IL33: variants seen among roughly 807,000 people sequenced by gnomAD.
IL33 encodes the protein interleukin-33.
In IL33, 37 loss-of-function variants were observed where a neutral mutation model predicts 27.3. The ratio of observed to expected loss-of-function variants is 1.36; its 90% confidence interval spans 1.04 to 1.78. IL33 has a LOEUF of 1.78. Among genes scored for constraint, IL33 ranks in the 40% most tolerant of loss-of-function variants. The pLI, the probability that IL33 is intolerant of heterozygous loss-of-function variation, is 0.00. For missense variants in IL33, 406 were observed against 311.4 expected (o/e 1.30, Z -2.29); for synonymous variants, 132 against 102.9 (o/e 1.28, Z -1.71).
chr9:6,245,995 A>G (rs1390525836), intron 2 of IL33, among the ~76,000 whole-genome samples: 1 of 127,870 alleles, frequency 7.8e-6, no homozygotes, highest in African/African-American at 2.9e-5. Context: ...CTCGGGAGGC[A>G]GAGCTTGCAG....
In IL33 at chr9:6,257,814, TA is replaced by T. The variant is rs1816825528; in HGVS notation, c.*1648del. 1 of 152,168 alleles carries T rather than the reference TA, an allele frequency of 6.6e-6. No individual in the cohort carries two copies. Among genetic ancestry groups the T allele is most frequent in the Non-Finnish European group, 1.5e-5 (1 of 68,010 alleles). 9.4% of individuals were successfully genotyped at this position (152,168 alleles called of 1,614,324 possible). A position where few individuals can be genotyped will look rare whatever the true frequency, so the allele number is the denominator to read the frequency against. The stretch of plus-strand genomic sequence containing the variant: ...TATCTTTGTTTCATTGTTCTGTCAA[TA>T]ATTGTTACCAAAGAGATAAAAATAA... On this transcript the variant is annotated 3_prime_UTR_variant, in exon 8 of 8. Transcript: ENST00000682010.
At chr9:6,237,297 G>T (rs1041987947) in intron 1 of IL33, among the ~76,000 whole-genome samples, 1 of 152,172 alleles carries the variant, frequency 6.6e-6, no homozygotes, top group African/African-American at 2.4e-5. Context: ...GAAAAAAATG[G>T]TGAAAAGAGT....
At chr9:6,253,683 C>T (rs1270281485) in intron 6 of IL33, 81 bp downstream of exon 6, 9 of 1,115,126 alleles carry the variant, frequency 8.1e-6, no homozygotes, top group Non-Finnish European at 1.2e-5. Context: ...TCCTTTTTGC[C>T]CCATAGGAAA....
At chr9:6,233,334 A>T (rs985637732) in intron 1 of IL33, among the ~76,000 whole-genome samples, 1 of 152,166 alleles carries the variant, frequency 6.6e-6, no homozygotes, top group African/African-American at 2.4e-5. Flanking sequence ...CCTAGACCTT[A>T]AAACTTCACA....
At chr9:6,246,003 CA>C (rs1564067057) in intron 2 of IL33, among the ~76,000 whole-genome samples, 5 of 124,326 alleles carry the variant, frequency 4.0e-5, no homozygotes. Flanking sequence ...GCAGAGCTTG[CA>C]GTGAGCCGAG....
chr9:6,248,137 T>G (rs1163980738), intron 2 of IL33, among the ~76,000 whole-genome samples: 1 of 152,126 alleles, frequency 6.6e-6, no homozygotes, highest in Non-Finnish European at 1.5e-5. Context: ...AAAGACAATG[T>G]GATATAGTTG....
At position 6,250,511 on chromosome 9, in the gene IL33, C is replaced by T. The variant is rs772355150; in HGVS notation, c.129C>T (p.Tyr43=). 6 of 1,613,946 alleles carry T rather than the reference C, an allele frequency of 3.7e-6. No homozygotes were observed. Among genetic ancestry groups the T allele is most frequent in the South Asian group, 1.1e-5 (1 of 91,072 alleles). ...AGGCCAAAGAAGTTTGCCCCATGTA[C>T]TTTATGAAGCTCCGCTCTGGCCTTA... The part of the protein sequence containing the change: ...QQKAKEVCPM[Y]FMKLRSGLMI... Residue 43 remains tyrosine, a synonymous_variant, in exon 3 of 8, where the codon TAC becomes TAT. Coordinates refer to ENST00000682010, the MANE Select transcript of IL33 (RefSeq NM_033439.4).
At chr9:6,247,086 T>C (rs971671154) in intron 2 of IL33, among the ~76,000 whole-genome samples, 1 of 151,818 alleles carries the variant, frequency 6.6e-6, no homozygotes. Flanking sequence ...AAAGATAGAG[T>C]TACAGTTTGG....
At chr9:6,225,167 T>C (rs1818574435) in intron 1 of IL33, among the ~76,000 whole-genome samples, 1 of 152,190 alleles carries the variant, frequency 6.6e-6, no homozygotes, top group Admixed American at 6.5e-5. Context: ...GACTGCATCC[T>C]CTTACCCCCA....
intron 7 of IL33, among the ~76,000 whole-genome samples, chr9:6,254,832 CA>C (rs1403914478): frequency 6.6e-6 from 1 of 152,044 alleles, no homozygotes; most frequent in African/African-American, 2.4e-5. Context: ...CTAAGCCCCC[CA>C]GAAATAAATC....
chr9:6,235,913 T>G (rs189578978), intron 1 of IL33, among the ~76,000 whole-genome samples: 1 of 152,190 alleles, frequency 6.6e-6, no homozygotes, highest in East Asian at 1.9e-4. Flanking sequence ...ATAAGATACA[T>G]GTACCCTCTG....
At chr9:6,238,199 T>G (rs1221610620) in intron 1 of IL33, among the ~76,000 whole-genome samples, 4 of 152,334 alleles carry the variant, frequency 2.6e-5, no homozygotes, top group African/African-American at 9.6e-5. Context: ...TTCCTGGTTC[T>G]GTTTCATAAT....
intron 1 of IL33, among the ~76,000 whole-genome samples, chr9:6,226,733 A>T (rs1459641000): frequency 2.0e-5 from 3 of 152,248 alleles, no homozygotes; most frequent in Non-Finnish European, 2.9e-5. Flanking sequence ...ATACTATCTA[A>T]CAATATTAAA....
intron 1 of IL33, among the ~76,000 whole-genome samples, chr9:6,231,305 T>C (rs1474133782): frequency 6.6e-6 from 1 of 152,198 alleles, no homozygotes; most frequent in Admixed American, 6.5e-5. Context: ...CAAGCTTCTG[T>C]CCCCTTCTCT....
At chr9:6,251,319 A>G (rs1234625583) in intron 4 of IL33, 54 bp downstream of exon 4, 5 of 1,601,476 alleles carry the variant, frequency 3.1e-6, no homozygotes, top group Non-Finnish European at 4.3e-6. Flanking sequence ...ATGACACAGG[A>G]CCCCGGAAAG....
At chr9:6,223,306 G>A (rs551198750) in intron 1 of IL33, among the ~76,000 whole-genome samples, 2 of 151,640 alleles carry the variant, frequency 1.3e-5, no homozygotes, top group African/African-American at 2.4e-5. Flanking sequence ...GTAAATGAAC[G>A]TAACTGATGT....
chr9:6,221,282 A>G (rs1326853172), intron 1 of IL33, among the ~76,000 whole-genome samples: 1 of 152,178 alleles, frequency 6.6e-6, no homozygotes, highest in Non-Finnish European at 1.5e-5. Context: ...CTTAATCACA[A>G]TTGTCAGTAT....
rs115575334 is a variant in IL33 at position 6,224,381 on chromosome 9, T to C, written c.-12+8529T>C. Reference sequence around the variant, plus strand: ...CTACAAAGGAACTAATTTAAAGATATATATTGCATCCTGTTTTGAAGATGG... The same window carrying C: ...CTACAAAGGAACTAATTTAAAGATACATATTGCATCCTGTTTTGAAGATGG... On this transcript the variant is annotated intron_variant, in intron 1 of 7. Coordinates refer to ENST00000682010, the MANE Select transcript of IL33 (RefSeq NM_033439.4). Among the ~76,000 whole-genome samples, 478 of 152,322 alleles carry C rather than the reference T, an allele frequency of 3.1e-3. 3 individuals are homozygous for C. The highest frequency in any genetic ancestry group is 1.0e-2 in the African/African-American group (414 of 41,578).
intron 1 of IL33, among the ~76,000 whole-genome samples, chr9:6,219,412 C>CGG (rs1392628299): frequency 6.6e-6 from 1 of 152,068 alleles, no homozygotes; most frequent in African/African-American, 2.4e-5. Flanking sequence ...CTCCCTATAG[C>CGG]GGACTCCTGG....
Sources: gnomAD v4.1 joint callset for allele counts (sites outside exome capture counted in the v4.1 genomes callset) on GRCh38, gnomAD v4.1.1 for gene constraint, MANE v1.5 for transcripts, NCBI Gene and HGNC (gene_info 2026-07-23, HGNC 2026-07-21) for gene names.